The following COLEC12 variants were observed in gnomAD, a reference collection of about 807,000 sequenced individuals.
COLEC12 encodes the protein collectin-12.
COLEC12 carries 33 observed loss-of-function variants against 71.1 expected under a neutral mutation model. The observed-to-expected ratio is 0.46, with a 90% CI of 0.35 to 0.62. The LOEUF (loss-of-function observed/expected upper bound fraction) is 0.62, where lower values mean the gene tolerates loss of function less well. Ranked by LOEUF, COLEC12 falls within the 20% of genes least tolerant of loss-of-function variation. COLEC12 has a pLI of 0.00. For synonymous variants in COLEC12, 350 were observed against 353.0 expected, an observed-to-expected ratio of 0.99 and a Z score of 0.10; for missense variants, 765 against 916.1, an observed-to-expected ratio of 0.84 and a Z score of 2.13.
chr18:454,750 C>T lies in COLEC12; in HGVS notation c.58+25957G>A, dbSNP rs961596631. On this transcript the variant is annotated intron_variant, in intron 2 of 9. Transcript: ENST00000400256. ...TCCCTTGTCCTTGTCCTCTCCCTAGCATTTATCACTATTTGAATGACGGTT... is the reference window on the plus strand; with the variant it reads ...TCCCTTGTCCTTGTCCTCTCCCTAGTATTTATCACTATTTGAATGACGGTT... 7.2e-5 allele frequency among the ~76,000 whole-genome samples: 11 copies of T among 152,190 alleles called. No homozygotes were observed. In the East Asian group the frequency reaches 1.9e-3, roughly 27 times the overall value.
intron 2 of COLEC12, among the ~76,000 whole-genome samples, chr18:421,837 C>T (rs80335881): frequency 2.8e-4 from 42 of 152,304 alleles, no homozygotes; most frequent in Non-Finnish European, 5.1e-4. Flanking sequence ...CTTAGTTCCT[C>T]GATGAGAAGC....
chr18:350,720 G>A (rs1487569564), intron 3 of COLEC12, among the ~76,000 whole-genome samples: 2 of 151,894 alleles, frequency 1.3e-5, no homozygotes, highest in Non-Finnish European at 2.9e-5. Context: ...TTGAGCTCAG[G>A]AGTTCAAGAC....
At chr18:366,069 G>C (rs1914850012) in intron 2 of COLEC12, among the ~76,000 whole-genome samples, 1 of 152,136 alleles carries the variant, frequency 6.6e-6, no homozygotes, top group Admixed American at 6.5e-5. Flanking sequence ...TTTCTTCAAG[G>C]TGTAAGTAGC....
chr18:357,472 T>G lies in COLEC12; in HGVS notation c.109A>C (p.Lys37Gln). 6.3e-7 allele frequency: 1 copy of G among 1,596,146 alleles called. No individual in the cohort carries two copies. Among genetic ancestry groups the G allele is most frequent in the Non-Finnish European group, 8.5e-7 (1 of 1,170,514 alleles). The change falls in exon 3 of 10, where the codon AAG becomes CAG. Residue 37 changes from lysine to glutamine, a missense_variant. Coordinates refer to ENST00000400256, the MANE Select transcript of COLEC12 (RefSeq NM_130386.3). ...ATGTATAATAATATGATAGAAAACTTCAGTGCCCAGTTATTTTTACATTTG... is the reference window on the plus strand; with the variant it reads ...ATGTATAATAATATGATAGAAAACTGCAGTGCCCAGTTATTTTTACATTTG... ...CTKCKNNWAL[K>Q]FSIILLYILC...
At chr18:384,028 T>G (rs1409374039) in intron 2 of COLEC12, among the ~76,000 whole-genome samples, 1 of 152,164 alleles carries the variant, frequency 6.6e-6, no homozygotes, top group Non-Finnish European at 1.5e-5. Context: ...CATGATCCAA[T>G]TATCTCCCAC....
chr18:431,794 G>A (rs1246701482), intron 2 of COLEC12, among the ~76,000 whole-genome samples: 1 of 152,154 alleles, frequency 6.6e-6, no homozygotes, highest in Non-Finnish European at 1.5e-5. Context: ...AAGCAGTAGC[G>A]GCAGTAGAAG....
chr18:441,301 C>G (rs186768241), intron 2 of COLEC12, among the ~76,000 whole-genome samples: 1 of 151,982 alleles, frequency 6.6e-6, no homozygotes, highest in Non-Finnish European at 1.5e-5. Flanking sequence ...ACGGACTGTA[C>G]GTCTTCATAG....
chr18:331,587 G>A, intron 8 of COLEC12, 81 bp downstream of exon 8: 1 of 897,066 alleles, frequency 1.1e-6, no homozygotes. Flanking sequence ...CATTAAGGAA[G>A]AAACTGTTGG....
intron 1 of COLEC12, among the ~76,000 whole-genome samples, chr18:486,635 A>G (rs151247411): frequency 2.0e-5 from 3 of 152,346 alleles, no homozygotes; most frequent in African/African-American, 7.2e-5. Flanking sequence ...CATGATGGTG[A>G]CTGACCCGTA....
At chr18:488,500 A>G (rs1242480537) in intron 1 of COLEC12, among the ~76,000 whole-genome samples, 3 of 152,208 alleles carry the variant, frequency 2.0e-5, no homozygotes, top group Non-Finnish European at 4.4e-5. Context: ...TGGAGTCAAA[A>G]TATTACAGAA....
At chr18:378,072 C>T (rs1161354948) in intron 2 of COLEC12, among the ~76,000 whole-genome samples, 1 of 152,178 alleles carries the variant, frequency 6.6e-6, no homozygotes, top group African/African-American at 2.4e-5. Flanking sequence ...TTAACAAACG[C>T]TCTGGCACTG....
At chr18:499,481 C>G (rs1917777260) in intron 1 of COLEC12, among the ~76,000 whole-genome samples, 1 of 152,202 alleles carries the variant, frequency 6.6e-6, no homozygotes, top group African/African-American at 2.4e-5. Context: ...CTCCCTCGGA[C>G]GGCAACCCTA....
Position 378,390 on chromosome 18 carries a change from T to C in COLEC12, c.59-20868A>G, listed in dbSNP as rs150421193. Among the ~76,000 whole-genome samples, 20 of 152,330 alleles carry C rather than the reference T, an allele frequency of 1.3e-4. 1 individual carries two copies. Among genetic ancestry groups the C allele is most frequent in the Admixed American group, 5.2e-4 (8 of 15,302 alleles). On this transcript the variant is annotated intron_variant, in intron 2 of 9. Coordinates refer to ENST00000400256, the MANE Select transcript of COLEC12 (RefSeq NM_130386.3). ...GGCTATTTTAAGTTGCTCCACTGTT[T>C]AGGGAAAATAGCTGCAAGGAACAGC... is the stretch of plus-strand genomic sequence containing the variant.
chr18:333,681 C>T (rs1051007219), intron 6 of COLEC12: 5 of 152,342 alleles, frequency 3.3e-5, no homozygotes, highest in African/African-American at 4.8e-5. Flanking sequence ...ACCGTAACAT[C>T]TAACACCTTT....
At chr18:463,689 G>A (rs1210962623) in intron 2 of COLEC12, among the ~76,000 whole-genome samples, 1 of 152,118 alleles carries the variant, frequency 6.6e-6, no homozygotes, top group Non-Finnish European at 1.5e-5. Context: ...AGATAAAAGT[G>A]TCTTGTCTTT....
At chr18:433,922 C>T (rs975521526) in intron 2 of COLEC12, among the ~76,000 whole-genome samples, 8 of 149,576 alleles carry the variant, frequency 5.3e-5, no homozygotes, top group Admixed American at 2.7e-4. Flanking sequence ...CAAGAATGCA[C>T]CACTGCACCC....
At chr18:395,649 C>T (rs565429972) in intron 2 of COLEC12, among the ~76,000 whole-genome samples, 8 of 152,098 alleles carry the variant, frequency 5.3e-5, no homozygotes, top group South Asian at 4.2e-4. Flanking sequence ...TAGAGTCAGC[C>T]GACAAATTGG....
At chr18:425,284 T>C (rs554887042) in intron 2 of COLEC12, among the ~76,000 whole-genome samples, 46 of 152,308 alleles carry the variant, frequency 3.0e-4, no homozygotes, top group Admixed American at 2.4e-3. Context: ...ACTGGAAGCA[T>C]CTTCCTACAC....
At chr18:452,169 C>T (rs898452090) in intron 2 of COLEC12, among the ~76,000 whole-genome samples, 3 of 152,186 alleles carry the variant, frequency 2.0e-5, no homozygotes, top group Non-Finnish European at 4.4e-5. Context: ...TCAATGATCA[C>T]TCACATACAC....
Sources: allele counts gnomAD v4.1 joint callset (sites outside exome capture counted in the v4.1 genomes callset), GRCh38; gene constraint gnomAD v4.1.1; transcripts MANE v1.5; gene names NCBI Gene and HGNC (gene_info 2026-07-23, HGNC 2026-07-21).